ALS2: variants seen among roughly 807,000 people sequenced by gnomAD.
ALS2 encodes alsin Rho guanine nucleotide exchange factor ALS2.
ALS2 carries 117 observed loss-of-function variants against 203.4 expected under a neutral mutation model. The observed-to-expected ratio is 0.58, with a 90% CI of 0.50 to 0.67. ALS2 has a LOEUF of 0.67. Among genes scored for constraint, ALS2 ranks in the 30% least tolerant of loss-of-function variants. ALS2 has a pLI of 0.00. For missense variants in ALS2, 1,715 were observed against 1,989.4 expected (o/e 0.86, Z 2.62); for synonymous variants, 718 against 725.9 (o/e 0.99, Z 0.17).
intron 1 of ALS2, chr2:201,778,622 C>T (rs1694759732): frequency 6.6e-6 from 1 of 152,160 alleles, no homozygotes; most frequent in Non-Finnish European, 1.5e-5. Flanking sequence ...TAAGGACTGA[C>T]ACCCTACAAA....
intron 13 of ALS2, among the ~76,000 whole-genome samples, chr2:201,732,308 C>T (rs1388631998): frequency 6.6e-6 from 1 of 150,960 alleles, no homozygotes; most frequent in East Asian, 1.9e-4. Flanking sequence ...AATCCTAGCA[C>T]TTTCGGAGGC....
chr2:201,770,256 C>A (rs866428958), intron 1 of ALS2, among the ~76,000 whole-genome samples: 1 of 152,202 alleles, frequency 6.6e-6, no homozygotes, highest in Non-Finnish European at 1.5e-5. Context: ...TGGAAGCACA[C>A]AAGCACACCT....
At chr2:201,721,595 T>C (rs1026838650) in intron 23 of ALS2, among the ~76,000 whole-genome samples, 12 of 152,186 alleles carry the variant, frequency 7.9e-5, no homozygotes, top group Non-Finnish European at 2.9e-5. Context: ...TTTGGACACA[T>C]AACTCAGCCC....
At chr2:201,760,141 G>A in intron 4 of ALS2, 1 of 581,364 alleles carries the variant, frequency 1.7e-6, no homozygotes, top group Non-Finnish European at 2.2e-6. Flanking sequence ...TGGGCAACAG[G>A]CTCTACTCTA....
intron 33 of ALS2, among the ~76,000 whole-genome samples, chr2:201,703,064 C>T (rs1276492330): frequency 1.3e-5 from 2 of 152,016 alleles, no homozygotes; most frequent in South Asian, 2.1e-4. Context: ...TGCAGTGAGT[C>T]GAGATTGCAC....
intron 9 of ALS2, 148 bp downstream of exon 9, chr2:201,746,418 G>A (rs1692652286): frequency 1.2e-6 from 1 of 858,398 alleles, no homozygotes; most frequent in South Asian, 1.4e-5. Flanking sequence ...AAGATAAGGA[G>A]TGAAGGGGGC....
At chr2:201,705,303 C>G in intron 30 of ALS2, 103 bp from the exon 31 acceptor site, 1 of 1,460,226 alleles carries the variant, frequency 6.8e-7, no homozygotes, top group Non-Finnish European at 9.6e-7. Context: ...ATAACAGATG[C>G]AAACACAAGC....
intron 4 of ALS2, chr2:201,760,639 C>A: frequency 7.6e-7 from 1 of 1,308,592 alleles, no homozygotes; most frequent in Non-Finnish European, 9.7e-7. Context: ...AATGCTCCTA[C>A]TTATAAAACA....
intron 13 of ALS2, among the ~76,000 whole-genome samples, chr2:201,731,153 G>T (rs1395193107): frequency 6.6e-6 from 1 of 151,988 alleles, no homozygotes; most frequent in African/African-American, 2.4e-5. Context: ...CTACAATTCT[G>T]AGAGTCACTC....
intron 1 of ALS2, among the ~76,000 whole-genome samples, chr2:201,772,814 T>C (rs934453546): frequency 4.6e-5 from 7 of 151,966 alleles, no homozygotes; most frequent in Admixed American, 1.3e-4. Flanking sequence ...GGGAGTTGCA[T>C]TGCTTCCAGT....
intron 3 of ALS2, among the ~76,000 whole-genome samples, chr2:201,763,931 T>A (rs1189964699): frequency 6.6e-6 from 1 of 152,238 alleles, no homozygotes; most frequent in African/African-American, 2.4e-5. Flanking sequence ...TGATTTTTTT[T>A]AATTAATGAA....
chr2:201,732,312 C>T (rs1574720660), intron 13 of ALS2, among the ~76,000 whole-genome samples: 4 of 150,432 alleles, frequency 2.7e-5, no homozygotes, highest in South Asian at 2.1e-4. Context: ...CTAGCACTTT[C>T]GGAGGCCAAG....
At chr2:201,715,362 G>C (rs1291380567) in intron 25 of ALS2, among the ~76,000 whole-genome samples, 1 of 152,126 alleles carries the variant, frequency 6.6e-6, no homozygotes, top group African/African-American at 2.4e-5. Flanking sequence ...TTCTGGCTGA[G>C]GGATATTGGA....
chr2:201,745,365 A>G (rs1692561799), intron 9 of ALS2, among the ~76,000 whole-genome samples: 1 of 152,178 alleles, frequency 6.6e-6, no homozygotes, highest in Non-Finnish European at 1.5e-5. Flanking sequence ...TACCTTTAGC[A>G]AGAAAGATCT....
At chr2:201,738,546 T>G (rs2106035326) in intron 12 of ALS2, 124 bp downstream of exon 12, 2 of 917,584 alleles carry the variant, frequency 2.2e-6, no homozygotes, top group Non-Finnish European at 3.5e-6. Context: ...ACTGAAAGTT[T>G]ATATTTTGAC....
At chr2:201,780,390 G>T (rs1252310753) in intron 1 of ALS2, among the ~76,000 whole-genome samples, 1 of 152,176 alleles carries the variant, frequency 6.6e-6, no homozygotes, top group Admixed American at 6.5e-5. Flanking sequence ...TTTTCAAGTA[G>T]CCCTTGGTCC....
chr2:201,743,264 A>C (rs1692408548), intron 10 of ALS2, among the ~76,000 whole-genome samples: 1 of 152,050 alleles, frequency 6.6e-6, no homozygotes, highest in Non-Finnish European at 1.5e-5. Context: ...AAAAAATTTG[A>C]AATAGGAAAA....
intron 7 of ALS2, among the ~76,000 whole-genome samples, chr2:201,751,186 A>G (rs527302468): frequency 1.3e-5 from 2 of 152,244 alleles, no homozygotes; most frequent in Admixed American, 1.3e-4. Context: ...GATAGGAAAA[A>G]TCCTTGAATA....
intron 25 of ALS2, among the ~76,000 whole-genome samples, chr2:201,713,148 T>C (rs1450068631): frequency 2.0e-5 from 3 of 149,582 alleles, no homozygotes; most frequent in African/African-American, 7.3e-5. Context: ...TTTTTTTTTT[T>C]TTTTTGAGAT....
Sources: allele counts gnomAD v4.1 joint callset (sites outside exome capture counted in the v4.1 genomes callset), GRCh38; gene constraint gnomAD v4.1.1; transcripts MANE v1.5; gene names NCBI Gene and HGNC (gene_info 2026-07-23, HGNC 2026-07-21).